Variants in CEP135 observed in about 807,000 individuals in gnomAD.
CEP135 encodes the protein centrosomal protein 135, also known as centrosomal protein of 135 kDa.
In CEP135, 142 loss-of-function variants were observed where a neutral mutation model predicts 157.3. That is an observed-to-expected ratio of 0.90 (90% CI 0.79 to 1.04). CEP135 has a LOEUF of 1.04. Among genes scored for constraint, CEP135 ranks in the 50% least tolerant of loss-of-function variants. The pLI is 0.00. For missense variants in CEP135, 1,317 were observed against 1,309.2 expected, an observed-to-expected ratio of 1.01 and a Z score of -0.09; for synonymous variants, 396 against 439.8, an observed-to-expected ratio of 0.90 and a Z score of 1.25.
At position 56,032,624 on chromosome 4, in the gene CEP135, C is replaced by T. The variant is rs1407549965; in HGVS notation, c.*1276C>T. 6.6e-6 allele frequency: 1 copy of T among 151,972 alleles called. No homozygotes were observed. The highest frequency in any genetic ancestry group is 1.5e-5 in the Non-Finnish European group (1 of 68,002). The allele number at this position is 151,972 out of a possible 1,614,324, so 9.4% of individuals were successfully genotyped here. On this transcript the variant is annotated 3_prime_UTR_variant, in exon 26 of 26. Transcript: ENST00000257287. Reference sequence around the variant, plus strand: ...AATATACATGGAAAACAGCTTTTTACAATTAATTTTCAAAGTTGTAATTTT... The same window carrying T: ...AATATACATGGAAAACAGCTTTTTATAATTAATTTTCAAAGTTGTAATTTT...
chr4:56,012,090 C>T, intron 21 of CEP135, 105 bp downstream of exon 21: 2 of 751,846 alleles, frequency 2.7e-6, no homozygotes, highest in South Asian at 7.5e-5. Context: ...TGAAGTCTGA[C>T]TCTGTTGCCC....
rs781116735 is a variant in CEP135, at chr4:56,024,498, CAG to C, written c.3322_3323del. 2 of 1,610,440 alleles carry C rather than the reference CAG, an allele frequency of 1.2e-6. No individual in the cohort carries two copies. Among genetic ancestry groups the C allele is most frequent in the Non-Finnish European group, 1.7e-6 (2 of 1,176,928 alleles). ...ATCTCTCTTGTTTGATCTTTACTAA[CAG>C]AGAACGAGCAATCCAAGAGATGCGT... On this transcript the variant is annotated splice_acceptor_variant, in intron 24 of 25. Coordinates refer to ENST00000257287, the MANE Select transcript of CEP135 (RefSeq NM_025009.5). LOFTEE classifies it high-confidence loss of function.
chr4:56,011,559 G>GTTT (rs371011577), intron 20 of CEP135, 37 bp downstream of exon 20: 180 of 1,148,372 alleles, frequency 1.6e-4, no homozygotes, highest in Admixed American at 3.9e-4. Context: ...TAAGACTGAG[G>GTTT]TTTTTTTTTT....
intron 15 of CEP135, among the ~76,000 whole-genome samples, 189 bp downstream of exon 15, chr4:55,992,274 CTG>C: frequency 6.6e-6 from 1 of 152,272 alleles, no homozygotes; most frequent in East Asian, 1.9e-4. Context: ...TTCTAATTCA[CTG>C]AGAATCTACT....
Position 56,024,569 on chromosome 4 carries a change from C to A in CEP135, c.3389C>A (p.Ser1130Tyr), listed in dbSNP as rs775687546. 1 of 1,613,492 alleles carries A rather than the reference C, an allele frequency of 6.2e-7. No individual in the cohort carries two copies. The highest frequency in any genetic ancestry group is 1.1e-5 in the South Asian group (1 of 91,064). The change falls in exon 25 of 26, where the codon TCT (serine) becomes TAT (tyrosine). Residue 1130 changes from serine (S) to tyrosine (Y), a missense_variant. By Grantham distance (144) the Ser-to-Tyr change is moderately radical. Transcript: ENST00000257287. ...ATPPLSSTLR[S>Y]PSHSPEHRNV ...CCACCCCTTAGTTCCACTCTGAGGT[C>A]TCCTTCACATTCTCCTGAACATAGA... is the stretch of plus-strand genomic sequence containing the variant.
chr4:55,950,410 A>G (rs1225165757), intron 1 of CEP135, among the ~76,000 whole-genome samples: 1 of 152,224 alleles, frequency 6.6e-6, no homozygotes, highest in Non-Finnish European at 1.5e-5. Flanking sequence ...ATGTAAAACA[A>G]AATTTTTATT....
intron 13 of CEP135, 124 bp from the exon 14 acceptor site, chr4:55,985,157 C>T: frequency 2.1e-6 from 1 of 468,660 alleles, no homozygotes; most frequent in South Asian, 4.8e-5. Flanking sequence ...CTTTCTAAAA[C>T]ATTTCTGTGT....
intron 14 of CEP135, among the ~76,000 whole-genome samples, chr4:55,987,440 T>C (rs1397817099): frequency 6.6e-6 from 1 of 152,192 alleles, no homozygotes; most frequent in Non-Finnish European, 1.5e-5. Flanking sequence ...GTCATGCCTG[T>C]CTTCTGAACT....
intron 21 of CEP135, among the ~76,000 whole-genome samples, chr4:56,016,609 A>G (rs1480506778): frequency 6.6e-6 from 1 of 152,056 alleles, no homozygotes; most frequent in Non-Finnish European, 1.5e-5. Flanking sequence ...AAATCTAAAT[A>G]CTTTTCTGCA....
intron 15 of CEP135, 82 bp from the exon 16 acceptor site, chr4:55,999,220 T>A: frequency 1.8e-6 from 2 of 1,103,604 alleles, no homozygotes; most frequent in Non-Finnish European, 2.6e-6. Context: ...GACATCAAAA[T>A]ATTTTTAAGA....
At chr4:56,013,047 G>T (rs75856859) in intron 21 of CEP135, among the ~76,000 whole-genome samples, 10,385 of 152,122 alleles carry the variant, frequency 0.068, 468 homozygotes, top group Middle Eastern at 0.082. Flanking sequence ...CCATATCCTT[G>T]CCAACACTTG....
chr4:56,011,473 A>G lies in CEP135; in HGVS notation c.2567A>G (p.His856Arg). 1 of 1,612,910 alleles carries G rather than the reference A, an allele frequency of 6.2e-7. No individual in the cohort carries two copies. ...AAAGAAGAAATGAAGAGCAGAGTTCATAAATACATAACAGAGGTGTCACGA... is the reference window on the plus strand; with the variant it reads ...AAAGAAGAAATGAAGAGCAGAGTTCGTAAATACATAACAGAGGTGTCACGA... ...QEKEEMKSRV[H>R]KYITEVSRWE... Residue 856 changes from histidine (H) to arginine (R), a missense_variant, in exon 20 of 26, where the codon CAT becomes CGT. His to Arg is a conservative substitution (Grantham distance 29). Transcript: ENST00000257287.
Position 56,011,752 on chromosome 4 carries a change from G to A in CEP135, c.2617-48G>A, listed in dbSNP as rs1730590224. The A allele has an allele frequency of 4.1e-6, 6 of 1,446,538 alleles. No homozygotes were observed. In the African/African-American group the frequency reaches 5.8e-5, roughly 14 times the overall value. 89.6% of individuals were successfully genotyped at this position (1,446,538 alleles called of 1,614,324 possible). A position where few individuals can be genotyped will look rare whatever the true frequency, so the allele number is the denominator to read the frequency against. On this transcript the variant is annotated intron_variant, in intron 20 of 25. Transcript: ENST00000257287. ...TGTGTTTATGACATAGGTGTTCCAG[G>A]AAGTGACAATTACTAATTTAGAAAC...
At chr4:55,967,806 C>T (rs944429807) in intron 8 of CEP135, among the ~76,000 whole-genome samples, 4 of 151,906 alleles carry the variant, frequency 2.6e-5, no homozygotes, top group African/African-American at 9.7e-5. Flanking sequence ...TGTGAAAGGC[C>T]CACAACAAAC....
intron 6 of CEP135, chr4:55,960,137 A>T (rs1728632951): frequency 3.3e-6 from 1 of 307,144 alleles, no homozygotes; most frequent in Non-Finnish European, 5.9e-6. Context: ...CTATCTCCCC[A>T]AATATAATTT....
At chr4:56,009,419 C>T (rs568587385) in intron 18 of CEP135, among the ~76,000 whole-genome samples, 119 of 152,292 alleles carry the variant, frequency 7.8e-4, no homozygotes, top group African/African-American at 2.9e-3. Context: ...GCCTCGGCCT[C>T]CCAAAGTTCT....
intron 25 of CEP135, among the ~76,000 whole-genome samples, chr4:56,029,196 G>A (rs929756665): frequency 6.6e-6 from 1 of 152,218 alleles, no homozygotes; most frequent in Non-Finnish European, 1.5e-5. Flanking sequence ...TGTAAGCATC[G>A]CCAAGTGTTC....
chr4:55,952,830 A>C (rs1436055010), intron 2 of CEP135, among the ~76,000 whole-genome samples: 2 of 152,210 alleles, frequency 1.3e-5, no homozygotes, highest in African/African-American at 4.8e-5. Flanking sequence ...ATATCTGAAC[A>C]TATCTAAACA....
rs1728451865 is a variant in CEP135 at position 55,954,504 on chromosome 4, A to G, written c.472+121A>G. 5.5e-6 allele frequency: 4 copies of G among 729,064 alleles called. No homozygotes were observed. In the South Asian group the frequency reaches 8.0e-5, roughly 15 times the overall value. 45.2% of individuals were successfully genotyped at this position (729,064 alleles called of 1,614,324 possible). Reference sequence around the variant, plus strand: ...TGCTTAGACTTTAGTGTTTGAAAATATATATTGAATAGACCGTAAACTTCT... The same window carrying G: ...TGCTTAGACTTTAGTGTTTGAAAATGTATATTGAATAGACCGTAAACTTCT... On this transcript the variant is annotated intron_variant, in intron 4 of 25. Transcript: ENST00000257287.
Sources: allele counts gnomAD v4.1 joint callset (sites outside exome capture counted in the v4.1 genomes callset), GRCh38; gene constraint gnomAD v4.1.1; transcripts MANE v1.5; gene names NCBI Gene and HGNC (gene_info 2026-07-23, HGNC 2026-07-21).